The following MITF variants were observed in gnomAD, a reference collection of about 807,000 sequenced individuals.
MITF encodes the protein microphthalmia-associated transcription factor.
A neutral mutation model predicts 60.5 loss-of-function variants in MITF; 17 were observed. That is an observed-to-expected ratio of 0.28 (90% CI 0.19 to 0.42). The LOEUF (loss-of-function observed/expected upper bound fraction) is 0.42. MITF is among the 10% of genes least tolerant of loss of function. The pLI is 1.00. For missense variants in MITF, 622 were observed against 683.5 expected (o/e 0.91, Z 1.00); for synonymous variants, 260 against 248.5 (o/e 1.05, Z -0.43).
At chr3:69,780,434 T>C (rs533970926) in intron 1 of MITF, among the ~76,000 whole-genome samples, 1 of 152,344 alleles carries the variant, frequency 6.6e-6, no homozygotes, top group Non-Finnish European at 1.5e-5. Context: ...TTCTTTGTTT[T>C]CTTGATGGAA....
In MITF at chr3:69,879,011, G is replaced by A. The variant is rs1189864796; in HGVS notation, c.105-123G>A. 1.2e-5 allele frequency: 9 copies of A among 777,202 alleles called. No individual in the cohort carries two copies. In the East Asian group the frequency reaches 1.8e-4, roughly 15 times the overall value. The allele number at this position is 777,202 out of a possible 1,614,324, so 48.1% of individuals were successfully genotyped here. On this transcript the variant is annotated intron_variant, in intron 1 of 9. Transcript: ENST00000352241. ...TTTCAATTATGTGGAGTACCATTCT[G>A]TGACTTGATTATATTTGCGCAGACT...
chr3:69,790,477 A>G (rs750609371), intron 1 of MITF, among the ~76,000 whole-genome samples: 10 of 152,198 alleles, frequency 6.6e-5, no homozygotes, highest in Non-Finnish European at 1.3e-4. Context: ...GGTAAATTTT[A>G]TGTAACATGT....
intron 2 of MITF, among the ~76,000 whole-genome samples, chr3:69,892,564 T>TA (rs1256270566): frequency 6.6e-6 from 1 of 152,232 alleles, no homozygotes; most frequent in East Asian, 1.9e-4. Context: ...TTTACTGCCA[T>TA]AAAAATGGTC....
At chr3:69,901,020 A>G (rs932316526) in intron 2 of MITF, among the ~76,000 whole-genome samples, 1 of 152,014 alleles carries the variant, frequency 6.6e-6, no homozygotes, top group Admixed American at 6.6e-5. Context: ...AACAAAAAAA[A>G]CCTATGAGGA....
chr3:69,939,138 A>G lies in MITF; in HGVS notation c.623A>G (p.Glu208Gly), dbSNP rs200108255. 5.3e-5 allele frequency: 85 copies of G among 1,614,120 alleles called. No individual in the cohort carries two copies. The East Asian group carries it at 1.7e-3, about 33-fold the overall frequency. ...KFEEQNRAESECPGMNTHSRA... is the reference protein window; with the variant it reads ...KFEEQNRAESGCPGMNTHSRA... ...GAAGAGCAAAACAGGGCAGAGAGCG[A>G]GTGCCCAGGCATGAACACACATTCA... Residue 208 changes from glutamate to glycine, a missense_variant, in exon 4 of 10, where the codon GAG becomes GGG. Transcript: ENST00000352241.
chr3:69,830,053 T>C (rs1025419930), intron 1 of MITF, among the ~76,000 whole-genome samples: 11 of 152,172 alleles, frequency 7.2e-5, no homozygotes, highest in Admixed American at 2.6e-4. Context: ...CTGGGCGATG[T>C]TTCAGCTCTG....
intron 3 of MITF, chr3:69,938,416 A>G (rs1301020270): frequency 1.3e-6 from 2 of 1,550,336 alleles, no homozygotes; most frequent in South Asian, 1.2e-5. Flanking sequence ...GCAAAAATAG[A>G]AGAGGTGTGG....
At position 69,966,172 on chromosome 3, in the gene MITF, G is replaced by A. The variant is rs1045823009; in HGVS notation, c.*924G>A. The A allele has an allele frequency of 1.7e-5, 4 of 232,156 alleles. No homozygotes were observed. Among genetic ancestry groups the A allele is most frequent in the Non-Finnish European group, 3.4e-5 (4 of 117,404 alleles). The allele number at this position is 232,156 out of a possible 1,614,324, so 14.4% of individuals were successfully genotyped here. ...TTATGTTTTACTGTTCATTTGATTT[G>A]TACAGATTCTTTATTATCATTGTTC... is the stretch of plus-strand genomic sequence containing the variant. On this transcript the variant is annotated 3_prime_UTR_variant, in exon 10 of 10. Coordinates refer to ENST00000352241, the MANE Select transcript of MITF (RefSeq NM_001354604.2).
chr3:69,956,370 T>C lies in MITF; in HGVS notation c.956-85T>C, dbSNP rs561734421. 3.0e-5 allele frequency: 32 copies of C among 1,066,118 alleles called. No homozygotes were observed. The South Asian group carries it at 3.7e-4, about 12-fold the overall frequency. The allele number at this position is 1,066,118 out of a possible 1,614,324, so 66.0% of individuals were successfully genotyped here. On this transcript the variant is annotated intron_variant, in intron 7 of 9. Coordinates refer to ENST00000352241, the MANE Select transcript of MITF (RefSeq NM_001354604.2). ...TTCCGTTGTCATGACCTGGAGAAGT[T>C]AATATGCACATGCCTTTAATGAGAT...
chr3:69,877,969 C>T (rs375533529), intron 1 of MITF, among the ~76,000 whole-genome samples: 30 of 152,104 alleles, frequency 2.0e-4, no homozygotes, highest in East Asian at 1.4e-3. Context: ...TAAACACAGA[C>T]GTTAAAAAAT....
At chr3:69,926,544 A>G (rs1324034987) in intron 2 of MITF, among the ~76,000 whole-genome samples, 2 of 151,998 alleles carry the variant, frequency 1.3e-5, no homozygotes, top group South Asian at 2.1e-4. Context: ...ACTGCAAACA[A>G]TGGGGGCATT....
chr3:69,941,256 C>T lies in MITF; in HGVS notation c.687C>T (p.Asp229=), dbSNP rs1368387135. The T allele has an allele frequency of 1.2e-6, 2 of 1,611,624 alleles. No homozygotes were observed. Among genetic ancestry groups the T allele is most frequent in the Non-Finnish European group, 1.7e-6 (2 of 1,178,202 alleles). Residue 229 remains aspartate, a synonymous_variant, in exon 5 of 10, where the codon GAC becomes GAT. Coordinates refer to ENST00000352241, the MANE Select transcript of MITF (RefSeq NM_001354604.2). ...TACAGATGGATGATGTAATCGATGA[C>T]ATCATTAGCCTAGAATCAAGTTATA... ...SCMQMDDVID[D]IISLESSYNE...
chr3:69,763,971 A>G (rs1460051173), intron 1 of MITF: 1 of 1,332,094 alleles, frequency 7.5e-7, no homozygotes, highest in African/African-American at 1.5e-5. Flanking sequence ...AAAGTACCTC[A>G]GTTTACAGGT....
chr3:69,786,898 G>A (rs1393717868), intron 1 of MITF, among the ~76,000 whole-genome samples: 1 of 152,146 alleles, frequency 6.6e-6, no homozygotes, highest in Non-Finnish European at 1.5e-5. Context: ...CTTGCTTTGA[G>A]TATCATGGTT....
intron 1 of MITF, among the ~76,000 whole-genome samples, chr3:69,853,530 C>T (rs988706136): frequency 6.6e-6 from 1 of 151,926 alleles, no homozygotes; most frequent in Non-Finnish European, 1.5e-5. Flanking sequence ...AAATGAATAA[C>T]CATGTGCCCA....
At chr3:69,755,392 A>G (rs1205600077) in intron 1 of MITF, among the ~76,000 whole-genome samples, 1 of 102,928 alleles carries the variant, frequency 9.7e-6, no homozygotes, top group East Asian at 3.4e-4. Flanking sequence ...AAGGCCCTGT[A>G]TTCTTGAGCC....
intron 1 of MITF, among the ~76,000 whole-genome samples, chr3:69,837,681 C>A (rs766472632): frequency 6.6e-6 from 1 of 151,998 alleles, no homozygotes; most frequent in Non-Finnish European, 1.5e-5. Flanking sequence ...TTTTTTTTGT[C>A]TGATACCTCA....
At position 69,795,351 on chromosome 3, in the gene MITF, A is replaced by G. The variant is rs534551496; in HGVS notation, c.104+55650A>G. Among the ~76,000 whole-genome samples the G allele has an allele frequency of 1.5e-4, 23 of 152,380 alleles. No homozygotes were observed. In the South Asian group the frequency reaches 2.3e-3, roughly 15 times the overall value. ...ACGACACTTCTAATTTTTAAAAAACATATAGAAAATTACGTGATAACTCTT... is the reference window on the plus strand; with the variant it reads ...ACGACACTTCTAATTTTTAAAAAACGTATAGAAAATTACGTGATAACTCTT... On this transcript the variant is annotated intron_variant, in intron 1 of 9. Transcript: ENST00000352241.
intron 1 of MITF, among the ~76,000 whole-genome samples, chr3:69,781,606 T>C (rs1355395178): frequency 6.6e-6 from 1 of 152,156 alleles, no homozygotes; most frequent in African/African-American, 2.4e-5. Flanking sequence ...ACTGTATTTT[T>C]CCGATAAAGG....
Sources: gnomAD v4.1 joint callset for allele counts (sites outside exome capture counted in the v4.1 genomes callset) on GRCh38, gnomAD v4.1.1 for gene constraint, MANE v1.5 for transcripts, NCBI Gene and HGNC (gene_info 2026-07-23, HGNC 2026-07-21) for gene names.